Variants in AFF1 observed in about 807,000 individuals in gnomAD.
AFF1 encodes AF4/FMR2 family member 1.
Under a neutral mutation model 121.7 loss-of-function variants are expected in AFF1, and 48 were observed. The ratio of observed to expected loss-of-function variants is 0.39; its 90% CI spans 0.31 to 0.50. The LOEUF (loss-of-function observed/expected upper bound fraction) is 0.50, where lower values mean the gene tolerates loss of function less well. Among genes scored for constraint, AFF1 ranks in the 20% least tolerant of loss-of-function variants. The pLI is 0.76. For synonymous variants in AFF1, 613 were observed against 563.0 expected (o/e 1.09, Z -1.26); for missense variants, 1,523 against 1,511.7 (o/e 1.01, Z -0.12).
At chr4:87,022,557 T>TACACACAC (rs1168866003) in intron 2 of AFF1, among the ~76,000 whole-genome samples, 1 of 54,842 alleles carries the variant, frequency 1.8e-5, no homozygotes, top group African/African-American at 6.4e-5. Context: ...TATATATATA[T>TACACACAC]ATATATATAT....
At chr4:87,065,885 C>G (rs751375288) in intron 4 of AFF1, among the ~76,000 whole-genome samples, 4 of 152,154 alleles carry the variant, frequency 2.6e-5, no homozygotes, top group Non-Finnish European at 5.9e-5. Flanking sequence ...TAATACCATC[C>G]TGTAGAAATT....
chr4:87,134,396 C>T, intron 19 of AFF1, 75 bp from the exon 20 acceptor site: 2 of 1,341,788 alleles, frequency 1.5e-6, no homozygotes, highest in Non-Finnish European at 2.0e-6. Context: ...ACTGTAGTTC[C>T]AGACACGTAA....
At chr4:86,985,999 A>G (rs1724228840) in intron 2 of AFF1, among the ~76,000 whole-genome samples, 1 of 151,606 alleles carries the variant, frequency 6.6e-6, no homozygotes, top group Non-Finnish European at 1.5e-5. Context: ...TAAAGTGACT[A>G]ATTAAACACC....
intron 8 of AFF1, among the ~76,000 whole-genome samples, chr4:87,101,805 A>T (rs533873151): frequency 6.0e-4 from 92 of 152,368 alleles, no homozygotes; most frequent in Non-Finnish European, 1.2e-3. Context: ...AATTTTAAGT[A>T]ACTACTATGA....
chr4:87,089,776 G>A (rs1450204286), intron 5 of AFF1, among the ~76,000 whole-genome samples: 2 of 152,078 alleles, frequency 1.3e-5, no homozygotes, highest in African/African-American at 2.4e-5. Flanking sequence ...ACAAACTGGC[G>A]TTTTTTAGTT....
chr4:87,135,647 G>A lies in AFF1; in HGVS notation c.3603G>A (p.Val1201=). 10 of 1,613,000 alleles carry A rather than the reference G, an allele frequency of 6.2e-6. No homozygotes were observed. Among genetic ancestry groups the A allele is most frequent in the Non-Finnish European group, 8.5e-6 (10 of 1,179,470 alleles). Residue 1201 remains valine, a synonymous_variant, in exon 21 of 21, where the codon GTG becomes GTA. Transcript: ENST00000395146. ...TCAACAGCAGTTTGGTGGACCTGGTGCACTATACACGACAGGGTTTTCAGC... is the reference window on the plus strand; with the variant it reads ...TCAACAGCAGTTTGGTGGACCTGGTACACTATACACGACAGGGTTTTCAGC... The part of the protein sequence containing the change: ...LALNSSLVDL[V]HYTRQGFQQL...
intron 11 of AFF1, among the ~76,000 whole-genome samples, chr4:87,112,926 C>G (rs1463730316): frequency 2.0e-5 from 3 of 152,154 alleles, no homozygotes; most frequent in Non-Finnish European, 4.4e-5. Context: ...CTCTGTTAGA[C>G]ACTAATATTT....
chr4:87,117,627 G>A (rs1727257648), intron 12 of AFF1, among the ~76,000 whole-genome samples: 1 of 152,188 alleles, frequency 6.6e-6, no homozygotes, highest in South Asian at 2.1e-4. Context: ...AGTGTGCAGT[G>A]TTTAGACATC....
intron 11 of AFF1, among the ~76,000 whole-genome samples, chr4:87,109,213 A>G (rs1016911225): frequency 6.6e-6 from 1 of 152,234 alleles, no homozygotes; most frequent in Admixed American, 6.5e-5. Flanking sequence ...GAAAGCATTA[A>G]AAAGCCTTCT....
At chr4:86,984,262 GCACTATTT>G (rs1423009065) in intron 2 of AFF1, among the ~76,000 whole-genome samples, 2 of 150,618 alleles carry the variant, frequency 1.3e-5, no homozygotes, top group Non-Finnish European at 2.9e-5. Flanking sequence ...CTATGGTCCT[GCACTATTT>G]TTCAAAGTGA....
intron 2 of AFF1, among the ~76,000 whole-genome samples, chr4:86,979,346 G>A (rs1035559908): frequency 1.3e-5 from 2 of 151,978 alleles, no homozygotes; most frequent in South Asian, 4.1e-4. Flanking sequence ...TGATCCTCCC[G>A]CCTCGGCCTC....
chr4:86,944,751 G>A (rs1720733450), intron 1 of AFF1, among the ~76,000 whole-genome samples: 1 of 152,170 alleles, frequency 6.6e-6, no homozygotes, highest in Admixed American at 6.5e-5. Context: ...AATGACCTAA[G>A]TGAACAGAAT....
intron 12 of AFF1, among the ~76,000 whole-genome samples, chr4:87,120,131 C>T (rs1727533635): frequency 6.6e-6 from 1 of 152,202 alleles, no homozygotes; most frequent in Non-Finnish European, 1.5e-5. Flanking sequence ...CATGCGTTCC[C>T]TCACCAAAGA....
chr4:86,951,537 A>C (rs992972330), intron 2 of AFF1, among the ~76,000 whole-genome samples: 6 of 151,580 alleles, frequency 4.0e-5, no homozygotes, highest in Non-Finnish European at 8.8e-5. Flanking sequence ...TAACTTGAAT[A>C]TATATTGTAC....
intron 4 of AFF1, among the ~76,000 whole-genome samples, chr4:87,073,279 CCAAAAAAA>C (rs1722288532): frequency 2.6e-5 from 1 of 38,014 alleles, no homozygotes; most frequent in African/African-American, 1.4e-4. Flanking sequence ...AGCATTAAAG[CCAAAAAAA>C]AAAAAAAAAA....
intron 1 of AFF1, among the ~76,000 whole-genome samples, chr4:86,938,243 G>A (rs565097913): frequency 2.6e-4 from 40 of 152,162 alleles, no homozygotes; most frequent in South Asian, 6.2e-4. Flanking sequence ...TGAGGTCAGC[G>A]GTTCTGGACC....
chr4:87,090,571 T>C (rs1480418242), intron 6 of AFF1, among the ~76,000 whole-genome samples: 11 of 152,242 alleles, frequency 7.2e-5, no homozygotes, highest in Admixed American at 2.0e-4. Context: ...TTTTTTTTAA[T>C]TTATACTTTT....
chr4:87,063,499 A>G (rs1721016128), intron 4 of AFF1, among the ~76,000 whole-genome samples: 1 of 152,062 alleles, frequency 6.6e-6, no homozygotes, highest in South Asian at 2.1e-4. Context: ...TCGGCCTCCC[A>G]AAGTGCTGGG....
intron 4 of AFF1, among the ~76,000 whole-genome samples, chr4:87,056,446 C>T (rs1002598729): frequency 4.6e-5 from 7 of 151,992 alleles, no homozygotes; most frequent in South Asian, 2.1e-4. Context: ...TAAAATACCC[C>T]GAAGCAAGTA....
Sources: gnomAD v4.1 joint callset for allele counts (sites outside exome capture counted in the v4.1 genomes callset) on GRCh38, gnomAD v4.1.1 for gene constraint, MANE v1.5 for transcripts, NCBI Gene and HGNC (gene_info 2026-07-23, HGNC 2026-07-21) for gene names.